Variants in IP6K1 observed in about 807,000 individuals in gnomAD.
IP6K1 encodes inositol hexakisphosphate kinase 1, also known as ATP:1D-myo-inositol-hexakisphosphate phosphotransferase.
A neutral mutation model predicts 38.3 loss-of-function variants in IP6K1; 13 were observed. That is an observed-to-expected ratio of 0.34 (90% confidence interval 0.22 to 0.54). The LOEUF is 0.54. Among genes scored for constraint, IP6K1 ranks in the 20% least tolerant of loss-of-function variants. The pLI, the probability that IP6K1 is intolerant of heterozygous loss-of-function variation, is 0.92. For missense variants in IP6K1, 397 were observed against 599.8 expected (o/e 0.66, Z 3.53); for synonymous variants, 212 against 229.9 (o/e 0.92, Z 0.70).
chr3:49,757,622 A>C (rs1305768257), intron 1 of IP6K1, among the ~76,000 whole-genome samples: 1 of 152,248 alleles, frequency 6.6e-6, no homozygotes, highest in East Asian at 1.9e-4. Flanking sequence ...TGAGGGGCTG[A>C]GACAGGAGGA....
intron 1 of IP6K1, among the ~76,000 whole-genome samples, chr3:49,783,760 C>T (rs1217321193): frequency 6.6e-6 from 1 of 151,880 alleles, no homozygotes; most frequent in African/African-American, 2.4e-5. Flanking sequence ...TTAATATCCC[C>T]CTCCTTTCAA....
chr3:49,727,966 C>T lies in IP6K1; in HGVS notation c.792+137G>A. 1.2e-6 allele frequency: 1 copy of T among 830,144 alleles called. No individual in the cohort carries two copies. The highest frequency in any genetic ancestry group is 1.9e-6 in the Non-Finnish European group (1 of 517,850). The allele number at this position is 830,144 out of a possible 1,614,324, so 51.4% of individuals were successfully genotyped here. On this transcript the variant is annotated intron_variant, in intron 5 of 5. Transcript: ENST00000321599. This position sits in a 1 kb window ranked among gnomAD's most constrained non-coding sequence, Gnocchi z 5.9. ...GCAGACTCTCACAGTGGTCCTGCAC[C>T]TGAGGCCCATATCAAAGTCAACAGG...
intron 1 of IP6K1, among the ~76,000 whole-genome samples, chr3:49,776,895 G>C (rs1575328997): frequency 6.6e-6 from 1 of 152,150 alleles, no homozygotes; most frequent in African/African-American, 2.4e-5. Context: ...AGCAGGCTGG[G>C]GTTGACTGGA....
intron 2 of IP6K1, among the ~76,000 whole-genome samples, chr3:49,745,973 C>T (rs1307126618): frequency 2.0e-5 from 3 of 152,000 alleles, no homozygotes; most frequent in African/African-American, 7.2e-5. Context: ...CTGCATCATT[C>T]GTTAGACATT....
chr3:49,765,995 TG>T (rs951512252), intron 1 of IP6K1, among the ~76,000 whole-genome samples: 30 of 151,716 alleles, frequency 2.0e-4, no homozygotes, highest in African/African-American at 7.3e-4. Flanking sequence ...GCTAACATGG[TG>T]AAAGCCCGTC....
At chr3:49,732,758 T>G in intron 4 of IP6K1, 33 bp downstream of exon 4, 1 of 1,584,722 alleles carries the variant, frequency 6.3e-7, no homozygotes. Flanking sequence ...ATGGACCCAG[T>G]AGACACTCCT....
At chr3:49,739,540 G>C (rs1260072124) in intron 2 of IP6K1, among the ~76,000 whole-genome samples, 1 of 151,712 alleles carries the variant, frequency 6.6e-6, no homozygotes, top group Non-Finnish European at 1.5e-5. Context: ...ATTTTTAGTA[G>C]AGACGGGGTT....
chr3:49,738,675 CTCACTT>C (rs1269581459), intron 2 of IP6K1, among the ~76,000 whole-genome samples: 1 of 152,202 alleles, frequency 6.6e-6, no homozygotes, highest in Non-Finnish European at 1.5e-5. Flanking sequence ...ATCTGGCCCT[CTCACTT>C]TCAATTACTG....
intron 1 of IP6K1, among the ~76,000 whole-genome samples, chr3:49,780,846 C>G (rs1462995805): frequency 1.3e-5 from 2 of 152,126 alleles, no homozygotes; most frequent in Non-Finnish European, 2.9e-5. Context: ...AGGGTGGAGG[C>G]AGAAATTCAT....
At chr3:49,738,723 G>A (rs986878851) in intron 2 of IP6K1, among the ~76,000 whole-genome samples, 6 of 152,084 alleles carry the variant, frequency 3.9e-5, no homozygotes, top group African/African-American at 7.2e-5. Context: ...AACTGTGTTC[G>A]CTAGGTGACA....
At chr3:49,775,618 G>T in intron 1 of IP6K1, 1 of 916,430 alleles carries the variant, frequency 1.1e-6, no homozygotes, top group Non-Finnish European at 1.6e-6. Context: ...GAGGTGATTG[G>T]TGGGTGGCCC....
Position 49,765,290 on chromosome 3 carries a change from T to G in IP6K1, c.-128-17122A>C, listed in dbSNP as rs572995473. Among the ~76,000 whole-genome samples the G allele has an allele frequency of 2.3e-4, 35 of 151,830 alleles. 1 individual carries two copies. In the East Asian group the frequency reaches 5.0e-3, roughly 22 times the overall value. ...AAATGAAGGGACACCAGACAGTAGC[T>G]AAAAAGAAAAAGAAAAAATATAGAA... On this transcript the variant is annotated intron_variant, in intron 1 of 5. Coordinates refer to ENST00000321599, the MANE Select transcript of IP6K1 (RefSeq NM_153273.4).
chr3:49,761,992 C>T (rs2080872004), intron 1 of IP6K1, among the ~76,000 whole-genome samples: 1 of 152,080 alleles, frequency 6.6e-6, no homozygotes, highest in African/African-American at 2.4e-5. Flanking sequence ...CTCACTGTTG[C>T]CCATGCTGAA....
At position 49,725,735 on chromosome 3, in the gene IP6K1, G is replaced by A. The variant is rs1322230947; in HGVS notation, c.*1387C>T. ...GCCATTAAGGGCTGGCAGCCAAAAT[G>A]ACTAAAACCATGAGAAAGGAAGGGT... On this transcript the variant is annotated 3_prime_UTR_variant, in exon 6 of 6. Transcript: ENST00000321599. The A allele has an allele frequency of 6.6e-6, 1 of 152,412 alleles. No homozygotes were observed. Among genetic ancestry groups the A allele is most frequent in the Non-Finnish European group, 1.5e-5 (1 of 68,024 alleles). 9.4% of individuals were successfully genotyped at this position (152,412 alleles called of 1,614,324 possible). A position where few individuals can be genotyped will look rare whatever the true frequency, so the allele number is the denominator to read the frequency against.
chr3:49,769,223 A>T (rs2080936488), intron 1 of IP6K1, among the ~76,000 whole-genome samples: 1 of 152,212 alleles, frequency 6.6e-6, no homozygotes, highest in South Asian at 2.1e-4. Flanking sequence ...GTGGAATCTC[A>T]ACCATAATGG....
At chr3:49,783,561 A>C (rs2108267606) in intron 1 of IP6K1, among the ~76,000 whole-genome samples, 1 of 152,068 alleles carries the variant, frequency 6.6e-6, no homozygotes, top group East Asian at 1.9e-4. Flanking sequence ...AAATACAAAA[A>C]AATTGGCCGG....
At chr3:49,771,214 C>G (rs944853265) in intron 1 of IP6K1, among the ~76,000 whole-genome samples, 1 of 144,060 alleles carries the variant, frequency 6.9e-6, no homozygotes, top group African/African-American at 2.6e-5. Context: ...AAAAAAAAAC[C>G]CTGCCAGGCA....
intron 1 of IP6K1, among the ~76,000 whole-genome samples, chr3:49,771,288 A>G (rs2080957346): frequency 6.6e-6 from 1 of 151,820 alleles, no homozygotes; most frequent in Non-Finnish European, 1.5e-5. Flanking sequence ...CTTTGAGCCC[A>G]GAAGTTCAAG....
intron 3 of IP6K1, among the ~76,000 whole-genome samples, chr3:49,737,766 G>A (rs755799873): frequency 1.1e-4 from 16 of 152,190 alleles, no homozygotes; most frequent in Non-Finnish European, 1.9e-4. Flanking sequence ...CAGGGAAAGC[G>A]TTAATGACTG....
Sources: allele counts gnomAD v4.1 joint callset (sites outside exome capture counted in the v4.1 genomes callset), GRCh38; gene constraint gnomAD v4.1.1; non-coding constraint Gnocchi (gnomAD v3.1); transcripts MANE v1.5; gene names NCBI Gene and HGNC (gene_info 2026-07-23, HGNC 2026-07-21).